The following ZNG1E variants were observed in gnomAD, a reference collection of about 807,000 sequenced individuals.
The protein encoded by ZNG1E is Zn regulated GTPase metalloprotein activator 1E.
At chr9:65,687,675 G>C in the ZNG1E span, among the ~76,000 whole-genome samples, 1 of 150,520 alleles carries the variant, frequency 6.6e-6, no homozygotes, top group East Asian at 1.9e-4. Flanking sequence ...TTTCGTTCCT[G>C]AAAAATAACT....
chr9:65,709,394 C>T, the ZNG1E span, among the ~76,000 whole-genome samples: 1 of 148,130 alleles, frequency 6.8e-6, no homozygotes, highest in Admixed American at 6.7e-5. Flanking sequence ...GGTACATGTG[C>T]ACAATGTGCA....
At chr9:65,710,353 GTTTAA>G in the ZNG1E span, among the ~76,000 whole-genome samples, 1 of 148,600 alleles carries the variant, frequency 6.7e-6, no homozygotes, top group Non-Finnish European at 1.5e-5. Flanking sequence ...AAGCTGTTTA[GTTTAA>G]TTAGATCCCA....
the ZNG1E span, among the ~76,000 whole-genome samples, chr9:65,685,009 T>C: frequency 2.2e-5 from 3 of 137,118 alleles, no homozygotes; most frequent in Non-Finnish European, 4.5e-5. Flanking sequence ...ACCACTGCAC[T>C]CCAGCCTGGA....
the ZNG1E span, among the ~76,000 whole-genome samples, chr9:65,662,464 G>A: frequency 3.9e-5 from 6 of 152,226 alleles, no homozygotes; most frequent in African/African-American, 1.4e-4. Flanking sequence ...GATCATGGTA[G>A]TGATAGTAAG....
chr9:65,695,600 AG>A, the ZNG1E span, among the ~76,000 whole-genome samples: 22 of 103,534 alleles, frequency 2.1e-4, 1 homozygote, highest in East Asian at 4.8e-3. Flanking sequence ...TTTTTTTGAG[AG>A]GGGGTGGTAA....
At chr9:65,674,990 T>A in the ZNG1E span, among the ~76,000 whole-genome samples, 1 of 142,704 alleles carries the variant, frequency 7.0e-6, no homozygotes, top group African/African-American at 2.7e-5. Context: ...GCCTCAGGAG[T>A]TTATATATTA....
chr9:65,659,118 C>G, the ZNG1E span, among the ~76,000 whole-genome samples: 1 of 152,216 alleles, frequency 6.6e-6, no homozygotes, highest in Non-Finnish European at 1.5e-5. Context: ...GTACTCATAC[C>G]CAAGAGTCAA....
chr9:65,673,565 G>A, the ZNG1E span, among the ~76,000 whole-genome samples: 11 of 152,318 alleles, frequency 7.2e-5, no homozygotes, highest in African/African-American at 2.4e-4. Flanking sequence ...TGGCCTCATA[G>A]GTTACAGGTT....
the ZNG1E span, among the ~76,000 whole-genome samples, chr9:65,663,748 A>AT: frequency 1.3e-5 from 2 of 151,794 alleles, no homozygotes; most frequent in East Asian, 3.9e-4. Flanking sequence ...TTTTCCATCC[A>AT]TACAAAGGTT....
the ZNG1E span, among the ~76,000 whole-genome samples, chr9:65,683,909 A>G: frequency 2.0e-5 from 3 of 152,282 alleles, no homozygotes; most frequent in Non-Finnish European, 2.9e-5. Flanking sequence ...CTGGTAAGAA[A>G]GAAAAATATA....
the ZNG1E span, among the ~76,000 whole-genome samples, chr9:65,658,859 GTGTCCTC>G: frequency 6.7e-6 from 1 of 150,352 alleles, no homozygotes; most frequent in Non-Finnish European, 1.5e-5. Flanking sequence ...AGTGTTGTCT[GTGTCCTC>G]GTCTCCTCTT....
the ZNG1E span, among the ~76,000 whole-genome samples, chr9:65,710,685 G>C: frequency 6.6e-6 from 1 of 151,092 alleles, no homozygotes; most frequent in South Asian, 2.1e-4. Flanking sequence ...CGTTATTTCT[G>C]AGGGCTCTGT....
At chr9:65,721,454 A>G in the ZNG1E span, among the ~76,000 whole-genome samples, 1 of 148,570 alleles carries the variant, frequency 6.7e-6, no homozygotes, top group Non-Finnish European at 1.5e-5. Flanking sequence ...TATTTTTAAC[A>G]TTTTATTATG....
chr9:65,684,550 G>GCACATGCACACA, the ZNG1E span, among the ~76,000 whole-genome samples: 9 of 132,822 alleles, frequency 6.8e-5, no homozygotes, highest in African/African-American at 2.4e-4. Flanking sequence ...ACACACGCAC[G>GCACATGCACACA]CACACACACA....
the ZNG1E span, among the ~76,000 whole-genome samples, chr9:65,656,435 G>T: frequency 6.6e-6 from 1 of 151,698 alleles, no homozygotes; most frequent in African/African-American, 2.4e-5. Context: ...TTGTCTTGGA[G>T]AAAACTCAGA....
At chr9:65,693,377 A>T in the ZNG1E span, 1 of 1,282,942 alleles carries the variant, frequency 7.8e-7, no homozygotes, top group African/African-American at 1.5e-5. Flanking sequence ...ACGTTTCTCA[A>T]CTTCCCAGGT....
chr9:65,721,732 A>T, the ZNG1E span, among the ~76,000 whole-genome samples: 1 of 150,496 alleles, frequency 6.6e-6, no homozygotes, highest in Admixed American at 6.6e-5. Flanking sequence ...ATGTCACTTT[A>T]CTACTAAATA....
chr9:65,700,937 A>G, the ZNG1E span: 1 of 145,302 alleles, frequency 6.9e-6, no homozygotes, highest in Non-Finnish European at 1.5e-5. Context: ...GCTGATCAGC[A>G]TAGGACAATC....
the ZNG1E span, among the ~76,000 whole-genome samples, chr9:65,658,155 A>G: frequency 6.6e-6 from 1 of 151,808 alleles, no homozygotes; most frequent in African/African-American, 2.4e-5. Context: ...ATTATGTACC[A>G]ATAAAAGTAA....
Sources: allele counts gnomAD v4.1 joint callset (sites outside exome capture counted in the v4.1 genomes callset), GRCh38; gene constraint gnomAD v4.1.1; transcripts MANE v1.5; gene names NCBI Gene and HGNC (gene_info 2026-07-23, HGNC 2026-07-21).